The following SLC9A8 variants were observed in gnomAD, a reference collection of about 807,000 sequenced individuals.
The protein encoded by SLC9A8 is solute carrier family 9 member A8.
In SLC9A8, 48 loss-of-function variants were observed where a neutral mutation model predicts 66.6. The ratio of observed to expected loss-of-function variants is 0.72; its 90% CI spans 0.57 to 0.92. The LOEUF (loss-of-function observed/expected upper bound fraction) is 0.92, where lower values mean the gene tolerates loss of function less well. Among genes scored for constraint, SLC9A8 ranks in the 40% least tolerant of loss-of-function variants. The pLI, the probability that SLC9A8 is intolerant of heterozygous loss-of-function variation, is 0.00. For missense variants in SLC9A8, 599 were observed against 747.3 expected (o/e 0.80, Z 2.31); for synonymous variants, 274 against 282.6 (o/e 0.97, Z 0.31).
intron 3 of SLC9A8, among the ~76,000 whole-genome samples, chr20:49,825,501 G>A (rs1278649602): frequency 2.6e-5 from 4 of 152,102 alleles, no homozygotes; most frequent in Non-Finnish European, 5.9e-5. Context: ...AATTAGCTGG[G>A]CATGGTGGCA....
In SLC9A8 at chr20:49,889,090, G is replaced by GC. The variant is rs775404521; in HGVS notation, c.*1159dup. 3.3e-5 allele frequency: 5 copies of GC among 152,298 alleles called. No homozygotes were observed. Among genetic ancestry groups the GC allele is most frequent in the African/African-American group, 4.8e-5 (2 of 41,418 alleles). 9.4% of individuals were successfully genotyped at this position (152,298 alleles called of 1,614,324 possible). On this transcript the variant is annotated 3_prime_UTR_variant, in exon 16 of 16. Coordinates refer to ENST00000361573, the MANE Select transcript of SLC9A8 (RefSeq NM_015266.3). ...ACCCCAGCCCTGTCCCAGGGGCCTGGCCCCCTCAGCCATCTCAGGGTGAGG... is the reference window on the plus strand; with the variant it reads ...ACCCCAGCCCTGTCCCAGGGGCCTGGCCCCCCTCAGCCATCTCAGGGTGAGG...
intron 10 of SLC9A8, among the ~76,000 whole-genome samples, chr20:49,867,408 G>A (rs893582807): frequency 1.3e-5 from 2 of 152,156 alleles, no homozygotes; most frequent in African/African-American, 2.4e-5. Context: ...CTCAGGTACC[G>A]TGAGCTCACT....
At chr20:49,882,273 G>C (rs1439466701) in intron 13 of SLC9A8, among the ~76,000 whole-genome samples, 1 of 152,190 alleles carries the variant, frequency 6.6e-6, no homozygotes, top group Non-Finnish European at 1.5e-5. Flanking sequence ...CACGGGGCTG[G>C]AATTGGCCTT....
intron 2 of SLC9A8, among the ~76,000 whole-genome samples, chr20:49,816,659 T>C (rs1179935787): frequency 6.6e-6 from 1 of 151,730 alleles, no homozygotes; most frequent in Non-Finnish European, 1.5e-5. Context: ...AAAAAAGAAA[T>C]CCAGTTGAAA....
rs896639384 is a variant in SLC9A8 at position 49,827,654 on chromosome 20, C to G, written c.289+4513C>G. On this transcript the variant is annotated intron_variant, in intron 3 of 15. Transcript: ENST00000361573. ...AATGAAATACTTGTAAGCGTATGGC[C>G]AGCATCCTCTGTTGAATAATACCAA... is the stretch of plus-strand genomic sequence containing the variant. Among the ~76,000 whole-genome samples the G allele has an allele frequency of 2.6e-5, 4 of 151,542 alleles. No homozygotes were observed. In the East Asian group the frequency reaches 7.8e-4, roughly 29 times the overall value.
At chr20:49,879,396 C>A (rs2089545386) in intron 12 of SLC9A8, among the ~76,000 whole-genome samples, 1 of 152,232 alleles carries the variant, frequency 6.6e-6, no homozygotes, top group Admixed American at 6.5e-5. Context: ...CTCTCTATAC[C>A]TCAGTTTCCT....
intron 6 of SLC9A8, among the ~76,000 whole-genome samples, chr20:49,850,433 C>G (rs542551389): frequency 6.6e-6 from 1 of 152,180 alleles, no homozygotes; most frequent in Non-Finnish European, 1.5e-5. Context: ...ACATCAGCTG[C>G]TTTCTTCTCT....
chr20:49,814,686 A>G (rs1408136154), intron 1 of SLC9A8, among the ~76,000 whole-genome samples: 1 of 152,204 alleles, frequency 6.6e-6, no homozygotes, highest in Non-Finnish European at 1.5e-5. Context: ...TGGACCTTGG[A>G]AAGTGATGAG....
intron 7 of SLC9A8, among the ~76,000 whole-genome samples, chr20:49,851,982 G>T (rs1345585901): frequency 1.3e-5 from 2 of 152,242 alleles, no homozygotes; most frequent in Non-Finnish European, 2.9e-5. Context: ...GGATGTTCAG[G>T]TGGAGGACAG....
chr20:49,866,451 AAGTG>A (rs2088972300), intron 10 of SLC9A8, among the ~76,000 whole-genome samples: 1 of 152,212 alleles, frequency 6.6e-6, no homozygotes, highest in South Asian at 2.1e-4. Context: ...GTGTTTTTCG[AAGTG>A]ACTGTATCAT....
chr20:49,872,514 C>T (rs2089254265), intron 10 of SLC9A8, among the ~76,000 whole-genome samples: 1 of 148,144 alleles, frequency 6.8e-6, no homozygotes, highest in Non-Finnish European at 1.5e-5. Context: ...GAGACAGAGT[C>T]TTGCTCTGTC....
intron 10 of SLC9A8, among the ~76,000 whole-genome samples, chr20:49,873,875 T>G (rs2089314975): frequency 6.6e-6 from 1 of 151,500 alleles, no homozygotes; most frequent in Non-Finnish European, 1.5e-5. Context: ...CCTTATATAG[T>G]CATCCCTCAG....
chr20:49,859,840 C>G (rs779221286), intron 8 of SLC9A8, among the ~76,000 whole-genome samples: 1 of 152,176 alleles, frequency 6.6e-6, no homozygotes, highest in African/African-American at 2.4e-5. Flanking sequence ...TGAAGCAATA[C>G]TCCCTTTTAT....
intron 7 of SLC9A8, among the ~76,000 whole-genome samples, chr20:49,853,115 G>A (rs2088317624): frequency 6.6e-6 from 1 of 152,130 alleles, no homozygotes; most frequent in Non-Finnish European, 1.5e-5. Flanking sequence ...AATATAAAAG[G>A]TGTATCCTGC....
intron 7 of SLC9A8, among the ~76,000 whole-genome samples, chr20:49,851,731 A>G (rs2088262215): frequency 6.6e-6 from 1 of 152,168 alleles, no homozygotes; most frequent in Non-Finnish European, 1.5e-5. Flanking sequence ...GCCCAGGACA[A>G]TTTTGGAGCT....
At chr20:49,881,065 G>C (rs770314687) in intron 13 of SLC9A8, 30 bp downstream of exon 13, 5 of 1,504,066 alleles carry the variant, frequency 3.3e-6, no homozygotes, top group Admixed American at 1.7e-5. Context: ...AATGGGGTGG[G>C]GAAGTACCTG....
intron 3 of SLC9A8, among the ~76,000 whole-genome samples, chr20:49,834,411 A>ATG (rs2087422023): frequency 2.2e-5 from 1 of 45,568 alleles, no homozygotes; most frequent in African/African-American, 1.1e-4. Flanking sequence ...CTGTGTATAT[A>ATG]TATATACTGT....
intron 3 of SLC9A8, chr20:49,830,505 T>G: frequency 1.3e-6 from 1 of 748,292 alleles, no homozygotes. Context: ...CGTGGACATG[T>G]CAACGGTGGA....
intron 3 of SLC9A8, among the ~76,000 whole-genome samples, chr20:49,836,977 G>A (rs1283063236): frequency 6.6e-6 from 1 of 152,140 alleles, no homozygotes; most frequent in Non-Finnish European, 1.5e-5. Context: ...TAAAAAGATA[G>A]CTACTAAGAT....
Sources: gnomAD v4.1 joint callset for allele counts (sites outside exome capture counted in the v4.1 genomes callset) on GRCh38, gnomAD v4.1.1 for gene constraint, MANE v1.5 for transcripts, NCBI Gene and HGNC (gene_info 2026-07-23, HGNC 2026-07-21) for gene names.